The following SLC25A13 variants were observed in gnomAD, a reference collection of about 807,000 sequenced individuals.
The protein encoded by SLC25A13 is solute carrier family 25 member 13, also known as electrogenic aspartate/glutamate antiporter SLC25A13, mitochondrial.
In SLC25A13, 70 loss-of-function variants were observed where a neutral mutation model predicts 85.5. That is an observed-to-expected ratio of 0.82 (90% CI 0.68 to 1.00). SLC25A13 has a LOEUF of 1.00. Among genes scored for constraint, SLC25A13 ranks in the 50% least tolerant of loss-of-function variants. SLC25A13 has a pLI of 0.00. For missense variants in SLC25A13, 765 were observed against 819.8 expected (o/e 0.93, Z 0.82); for synonymous variants, 259 against 288.7 (o/e 0.90, Z 1.04).
At chr7:96,314,511 C>T (rs1800061736) in intron 1 of SLC25A13, among the ~76,000 whole-genome samples, 1 of 152,142 alleles carries the variant, frequency 6.6e-6, no homozygotes, top group Non-Finnish European at 1.5e-5. Context: ...AGAACCAACA[C>T]ATGTCTCAGC....
At chr7:96,206,536 T>A (rs1427152475) in intron 5 of SLC25A13, among the ~76,000 whole-genome samples, 3 of 152,166 alleles carry the variant, frequency 2.0e-5, no homozygotes, top group Non-Finnish European at 4.4e-5. Context: ...GTAAAGCCTA[T>A]CATGGTCCAT....
chr7:96,198,633 A>C (rs554371897), intron 5 of SLC25A13, among the ~76,000 whole-genome samples: 3 of 152,350 alleles, frequency 2.0e-5, no homozygotes, highest in Admixed American at 6.5e-5. Context: ...AAGAGTTAAG[A>C]TCCAAAGCAA....
At position 96,193,009 on chromosome 7, in the gene SLC25A13, C is replaced by T. The variant is rs1030748139; in HGVS notation, c.615+28G>A. 4 of 1,612,336 alleles carry T rather than the reference C, an allele frequency of 2.5e-6. No homozygotes were observed. In the African/African-American group the frequency reaches 5.3e-5, roughly 22 times the overall value. ...TAATTCCTTATTTACTGAGTTAAAC[C>T]ACTTCATTAGGGCAAGTTACAACTT... On this transcript the variant is annotated intron_variant, in intron 6 of 17. Coordinates refer to ENST00000265631, the MANE Select transcript of SLC25A13 (RefSeq NM_014251.3).
intron 11 of SLC25A13, among the ~76,000 whole-genome samples, chr7:96,177,194 T>C (rs975824826): frequency 5.9e-5 from 9 of 152,182 alleles, no homozygotes; most frequent in Non-Finnish European, 1.2e-4. Flanking sequence ...CTAAGGAGTA[T>C]CATGCTGTGC....
intron 3 of SLC25A13, among the ~76,000 whole-genome samples, chr7:96,262,490 G>C (rs1379636893): frequency 1.3e-5 from 2 of 148,984 alleles, no homozygotes; most frequent in Non-Finnish European, 3.0e-5. Flanking sequence ...ACAGTAAAAA[G>C]GGAAAAGTGT....
intron 13 of SLC25A13, among the ~76,000 whole-genome samples, chr7:96,147,540 A>T (rs1360663358): frequency 6.6e-6 from 1 of 152,354 alleles, no homozygotes; most frequent in African/African-American, 2.4e-5. Flanking sequence ...ATTTATCACA[A>T]GCAATTACAT....
At chr7:96,159,256 AC>A (rs1335628431) in intron 13 of SLC25A13, among the ~76,000 whole-genome samples, 1 of 152,180 alleles carries the variant, frequency 6.6e-6, no homozygotes, top group African/African-American at 2.4e-5. Flanking sequence ...CTTTTCTTAA[AC>A]CCTAGCATTA....
At chr7:96,161,368 G>T (rs1562804637) in intron 13 of SLC25A13, among the ~76,000 whole-genome samples, 1 of 152,070 alleles carries the variant, frequency 6.6e-6, no homozygotes, top group Non-Finnish European at 1.5e-5. Flanking sequence ...CTAATTTTTG[G>T]AGTTAATTCC....
At chr7:96,291,204 G>A (rs7799079) in intron 2 of SLC25A13, among the ~76,000 whole-genome samples, 100,578 of 152,044 alleles carry the variant, frequency 0.66, 33,562 homozygotes, top group Non-Finnish European at 0.67. Context: ...AAATGAAGTC[G>A]GAAATAAAGA....
chr7:96,247,970 A>G (rs1201785154), intron 3 of SLC25A13, among the ~76,000 whole-genome samples: 3 of 151,844 alleles, frequency 2.0e-5, no homozygotes, highest in Non-Finnish European at 2.9e-5. Context: ...AAAAAAAAAA[A>G]AAAAGAAAGA....
intron 2 of SLC25A13, among the ~76,000 whole-genome samples, chr7:96,291,616 A>C (rs992828861): frequency 5.3e-5 from 8 of 152,200 alleles, no homozygotes; most frequent in Non-Finnish European, 1.2e-4. Flanking sequence ...ATCCCACAGA[A>C]ATAAAAACTA....
intron 13 of SLC25A13, among the ~76,000 whole-genome samples, chr7:96,153,741 A>C (rs1427836375): frequency 6.6e-6 from 1 of 152,240 alleles, no homozygotes. Flanking sequence ...CAGTGTAAAC[A>C]AACTTTTTGT....
intron 11 of SLC25A13, among the ~76,000 whole-genome samples, chr7:96,180,438 C>A (rs1584417957): frequency 6.6e-6 from 1 of 152,118 alleles, no homozygotes; most frequent in African/African-American, 2.4e-5. Flanking sequence ...TGGGTTCAAG[C>A]GATTCTCCTG....
intron 2 of SLC25A13, among the ~76,000 whole-genome samples, chr7:96,293,888 T>C (rs1257684794): frequency 1.3e-5 from 2 of 152,184 alleles, no homozygotes; most frequent in African/African-American, 4.8e-5. Flanking sequence ...CTCAAGGATC[T>C]AGAACTAGAA....
At chr7:96,311,969 A>G (rs1584609311) in intron 1 of SLC25A13, among the ~76,000 whole-genome samples, 1 of 152,326 alleles carries the variant, frequency 6.6e-6, no homozygotes. Context: ...GAAGAATATG[A>G]AAATCGAATG....
At chr7:96,192,485 A>C (rs923586457) in intron 6 of SLC25A13, among the ~76,000 whole-genome samples, 1 of 152,046 alleles carries the variant, frequency 6.6e-6, no homozygotes, top group Non-Finnish European at 1.5e-5. Context: ...CCACCACAGA[A>C]TGTTGCAGGA....
intron 4 of SLC25A13, among the ~76,000 whole-genome samples, chr7:96,210,772 A>C (rs751991246): frequency 1.3e-5 from 2 of 152,188 alleles, no homozygotes; most frequent in African/African-American, 2.4e-5. Context: ...ATGTGACCAA[A>C]AGAAAAAAAA....
chr7:96,307,060 C>T (rs1273085074), intron 1 of SLC25A13, among the ~76,000 whole-genome samples: 3 of 152,022 alleles, frequency 2.0e-5, no homozygotes, highest in African/African-American at 7.2e-5. Context: ...CTATGGGCCA[C>T]TCCTGGGGTG....
At chr7:96,208,760 C>T (rs1795562751) in intron 5 of SLC25A13, 78 bp downstream of exon 5, 2 of 1,554,632 alleles carry the variant, frequency 1.3e-6, no homozygotes, top group Non-Finnish European at 8.9e-7. Flanking sequence ...CCACCTCGGC[C>T]TCCCAAAGTG....
Sources: allele counts gnomAD v4.1 joint callset (sites outside exome capture counted in the v4.1 genomes callset), GRCh38; gene constraint gnomAD v4.1.1; transcripts MANE v1.5; gene names NCBI Gene and HGNC (gene_info 2026-07-23, HGNC 2026-07-21).